MAST2: variants seen among roughly 807,000 people sequenced by gnomAD.
MAST2 encodes the protein microtubule associated serine/threonine kinase 2, also known as microtubule-associated serine/threonine-protein kinase 2.
A neutral mutation model predicts 147.4 loss-of-function variants in MAST2; 70 were observed. The ratio of observed to expected loss-of-function variants is 0.47; its 90% CI spans 0.39 to 0.58. The LOEUF (loss-of-function observed/expected upper bound fraction) is 0.58, where lower values mean the gene tolerates loss of function less well. MAST2 is among the 20% of genes least tolerant of loss of function. MAST2 has a pLI of 0.00. For synonymous variants in MAST2, 869 were observed against 896.8 expected, an observed-to-expected ratio of 0.97 and a Z score of 0.55; for missense variants, 2,080 against 2,302.3, an observed-to-expected ratio of 0.90 and a Z score of 1.98.
chr1:45,833,659 T>C (rs1318986598), intron 3 of MAST2, among the ~76,000 whole-genome samples: 1 of 152,204 alleles, frequency 6.6e-6, no homozygotes, highest in Non-Finnish European at 1.5e-5. Flanking sequence ...GTCTTTGATA[T>C]GCATTTCTCT....
chr1:45,853,124 T>C (rs1377189820), intron 3 of MAST2, among the ~76,000 whole-genome samples: 1 of 151,732 alleles, frequency 6.6e-6, no homozygotes, highest in Admixed American at 6.6e-5. Context: ...GAGACAGGGT[T>C]TCACCATGTT....
At chr1:45,933,231 A>C (rs1655616967) in intron 4 of MAST2, among the ~76,000 whole-genome samples, 2 of 128,090 alleles carry the variant, frequency 1.6e-5, no homozygotes, top group African/African-American at 6.5e-5. Context: ...TCTTTAAAAA[A>C]AAAAAGCGGG....
intron 4 of MAST2, among the ~76,000 whole-genome samples, chr1:45,950,880 G>A (rs1425645632): frequency 1.3e-5 from 2 of 151,500 alleles, no homozygotes; most frequent in African/African-American, 2.4e-5. Context: ...CCAGGAGTTC[G>A]AAACCAGCCT....
Position 45,900,481 on chromosome 1 carries a change from C to T in MAST2, c.500+18086C>T, listed in dbSNP as rs1342605959. On this transcript the variant is annotated intron_variant, in intron 4 of 28. Transcript: ENST00000361297. ...TTTTTTTTTTTTTTTTTTTTTGAGA[C>T]GGAGTCTCGCTCTGTCGCCCAGGCC... 6.5e-4 allele frequency among the ~76,000 whole-genome samples: 2 copies of T among 3,074 alleles called. 1 individual carries two copies. Among genetic ancestry groups the T allele is most frequent in the Non-Finnish European group, 8.1e-4 (2 of 2,474 alleles). The allele number at this position is 3,074 out of a possible 152,430, so 2.0% of individuals were successfully genotyped here.
At chr1:45,947,965 C>G (rs1224906231) in intron 4 of MAST2, among the ~76,000 whole-genome samples, 1 of 152,160 alleles carries the variant, frequency 6.6e-6, no homozygotes, top group Non-Finnish European at 1.5e-5. Flanking sequence ...ATCCACCTGC[C>G]CTGGCTTCCC....
intron 4 of MAST2, among the ~76,000 whole-genome samples, chr1:45,911,330 G>T (rs972820128): frequency 6.6e-6 from 1 of 152,152 alleles, no homozygotes; most frequent in Non-Finnish European, 1.5e-5. Flanking sequence ...GTAAAATATG[G>T]CTTTCATTCT....
chr1:46,026,153 A>C (rs1485942539), intron 16 of MAST2, among the ~76,000 whole-genome samples: 1 of 152,202 alleles, frequency 6.6e-6, no homozygotes, highest in African/African-American at 2.4e-5. Context: ...TGCCAGCACT[A>C]TATTGTGGGT....
intron 5 of MAST2, among the ~76,000 whole-genome samples, chr1:45,962,593 C>A (rs1660587772): frequency 6.6e-6 from 1 of 152,120 alleles, no homozygotes. Flanking sequence ...CTGTTCATAT[C>A]CTTCGCCCAC....
chr1:45,900,935 T>A (rs1649666012), intron 4 of MAST2, among the ~76,000 whole-genome samples: 1 of 152,208 alleles, frequency 6.6e-6, no homozygotes, highest in South Asian at 2.1e-4. Flanking sequence ...AGATATTTTC[T>A]CCCATTCTAT....
chr1:45,981,777 T>A (rs917491194), intron 5 of MAST2, among the ~76,000 whole-genome samples: 2 of 152,152 alleles, frequency 1.3e-5, no homozygotes, highest in African/African-American at 2.4e-5. Context: ...TGTCATAATT[T>A]TGGCAAAGGC....
chr1:46,034,914 T>TGCCGCCTCTGAGAAGAAGCTA lies in MAST2; in HGVS notation c.4249_4269dup (p.Ala1417_Ala1423dup). 6.2e-7 allele frequency: 1 copy of TGCCGCCTCTGAGAAGAAGCTA among 1,614,108 alleles called. No homozygotes were observed. The highest frequency in any genetic ancestry group is 8.5e-7 in the Non-Finnish European group (1 of 1,180,022). On this transcript the variant is annotated inframe_insertion, in exon 29 of 29. Coordinates refer to ENST00000361297, the MANE Select transcript of MAST2 (RefSeq NM_015112.3). ...CGGCTGAGAAACTGGCAGCAGCACT[T>TGCCGCCTCTGAGAAGAAGCTA]GCCGCCTCTGAGAAGAAGCTAGCCA...
At chr1:45,860,948 C>T (rs552196700) in intron 3 of MAST2, among the ~76,000 whole-genome samples, 1 of 152,310 alleles carries the variant, frequency 6.6e-6, no homozygotes, top group African/African-American at 2.4e-5. Context: ...ACCTCATTAT[C>T]ATTTCTAGTC....
chr1:45,940,661 CCAGGCTGGAGTGCAGTGGCGCGA>C (rs1657116247), intron 4 of MAST2, among the ~76,000 whole-genome samples: 1 of 150,870 alleles, frequency 6.6e-6, no homozygotes, highest in Non-Finnish European at 1.5e-5. Context: ...GCTCTGTCGC[CCAGGCTGGAGTGCAGTGGCGCGA>C]TCTCGGCTCA....
chr1:45,870,514 TTATATATA>T (rs35057731), intron 3 of MAST2, among the ~76,000 whole-genome samples: 2 of 148,090 alleles, frequency 1.4e-5, no homozygotes, highest in Admixed American at 1.3e-4. Flanking sequence ...ATCAATTTGT[TTATATATA>T]TATATATATA....
rs1644090684 is a variant in MAST2, at chr1:45,804,819, C to T, written c.177+747C>T. 4.6e-5 allele frequency among the ~76,000 whole-genome samples: 7 copies of T among 152,184 alleles called. 1 individual carries two copies. In the South Asian group the frequency reaches 1.0e-3, roughly 23 times the overall value. Reference sequence around the variant, plus strand: ...AGTAGGGGATAAAGGTCAGTTTTATCAGGCAGGAGAAGCTGCCACTAGTAG... The same window carrying T: ...AGTAGGGGATAAAGGTCAGTTTTATTAGGCAGGAGAAGCTGCCACTAGTAG... On this transcript the variant is annotated intron_variant, in intron 1 of 28. Coordinates refer to ENST00000361297, the MANE Select transcript of MAST2 (RefSeq NM_015112.3).
At chr1:45,947,069 T>A (rs1173994834) in intron 4 of MAST2, among the ~76,000 whole-genome samples, 1 of 152,180 alleles carries the variant, frequency 6.6e-6, no homozygotes, top group Non-Finnish European at 1.5e-5. Context: ...GGCCTTCAAA[T>A]AATGTTATTA....
intron 3 of MAST2, among the ~76,000 whole-genome samples, chr1:45,859,487 A>C (rs1645906827): frequency 6.6e-6 from 1 of 152,228 alleles, no homozygotes; most frequent in Non-Finnish European, 1.5e-5. Context: ...ACATGTGCCA[A>C]GGCATGAAGC....
At position 46,023,411 on chromosome 1, in the gene MAST2, C is replaced by A; in HGVS notation, c.1571+93C>A. 8.2e-7 allele frequency: 1 copy of A among 1,219,368 alleles called. No homozygotes were observed. The highest frequency in any genetic ancestry group is 1.2e-6 in the Non-Finnish European group (1 of 827,636). 75.5% of individuals were successfully genotyped at this position (1,219,368 alleles called of 1,614,324 possible). A position where few individuals can be genotyped will look rare whatever the true frequency, so the allele number is the denominator to read the frequency against. Reference sequence around the variant, plus strand: ...AGTGTATGCTGCCCAGTCCTCTGGGCAGATGCCTCGGGGTGGACCTTCTCA... The same window carrying A: ...AGTGTATGCTGCCCAGTCCTCTGGGAAGATGCCTCGGGGTGGACCTTCTCA... On this transcript the variant is annotated intron_variant, in intron 14 of 28. Coordinates refer to ENST00000361297, the MANE Select transcript of MAST2 (RefSeq NM_015112.3). The surrounding 1 kb of genome is among the most constrained non-coding windows in gnomAD (Gnocchi z 4.9).
chr1:45,991,404 G>A (rs1393549150), intron 5 of MAST2, among the ~76,000 whole-genome samples: 1 of 152,094 alleles, frequency 6.6e-6, no homozygotes, highest in African/African-American at 2.4e-5. Flanking sequence ...GAATCAATTT[G>A]TCAATATTCA....
Sources: gnomAD v4.1 joint callset for allele counts (sites outside exome capture counted in the v4.1 genomes callset) on GRCh38, gnomAD v4.1.1 for gene constraint, Gnocchi (gnomAD v3.1) non-coding constraint, MANE v1.5 for transcripts, NCBI Gene and HGNC (gene_info 2026-07-23, HGNC 2026-07-21) for gene names.